TNKS: variants seen among roughly 807,000 people sequenced by gnomAD.
TNKS encodes the protein poly [ADP-ribose] polymerase tankyrase-1.
In TNKS, 72 loss-of-function variants were observed where a neutral mutation model predicts 135.8. The ratio of observed to expected loss-of-function variants is 0.53; its 90% CI spans 0.44 to 0.64. TNKS has a LOEUF of 0.64. Ranked by LOEUF, TNKS falls within the 30% of genes least tolerant of loss-of-function variation. TNKS has a pLI of 0.00. For synonymous variants in TNKS, 849 were observed against 649.3 expected, an observed-to-expected ratio of 1.31 and a Z score of -4.68; for missense variants, 1,769 against 1,674.0, an observed-to-expected ratio of 1.06 and a Z score of -0.99.
chr8:9,653,175 C>G (rs1412271290), intron 3 of TNKS, among the ~76,000 whole-genome samples: 2 of 152,150 alleles, frequency 1.3e-5, no homozygotes, highest in African/African-American at 2.4e-5. Context: ...AGGAAGGACA[C>G]AAAGCACATT....
intron 3 of TNKS, among the ~76,000 whole-genome samples, chr8:9,629,738 A>G (rs1323876401): frequency 6.6e-6 from 1 of 152,196 alleles, no homozygotes; most frequent in Non-Finnish European, 1.5e-5. Flanking sequence ...GCTGGAGTGC[A>G]GTGGTGTCAT....
intron 5 of TNKS, among the ~76,000 whole-genome samples, chr8:9,688,204 A>G (rs1803100263): frequency 6.6e-6 from 1 of 152,190 alleles, no homozygotes; most frequent in Non-Finnish European, 1.5e-5. Flanking sequence ...GTTTGAACAG[A>G]CTGTTCAGTT....
intron 1 of TNKS, among the ~76,000 whole-genome samples, chr8:9,575,689 A>G (rs1326342925): frequency 6.6e-6 from 1 of 152,188 alleles, no homozygotes; most frequent in Admixed American, 6.5e-5. Context: ...CTGCAGAATC[A>G]TAAGAAAAAG....
chr8:9,616,964 A>G (rs1439540163), intron 3 of TNKS, among the ~76,000 whole-genome samples: 1 of 152,228 alleles, frequency 6.6e-6, no homozygotes, highest in Non-Finnish European at 1.5e-5. Flanking sequence ...AAGGAGAAAT[A>G]CAGTGCATAG....
rs1041626003 is a variant in TNKS, at chr8:9,764,487, G to T, written c.3373-229G>T. 2.0e-5 allele frequency among the ~76,000 whole-genome samples: 3 copies of T among 152,072 alleles called. No homozygotes were observed. The South Asian group carries it at 6.2e-4, about 32-fold the overall frequency. ...GTGTTTTTTAATATGTTTCCCCATTGTGTTTACAGAAAACTCTTTCAGAAC... is the reference window on the plus strand; with the variant it reads ...GTGTTTTTTAATATGTTTCCCCATTTTGTTTACAGAAAACTCTTTCAGAAC... On this transcript the variant is annotated intron_variant, in intron 22 of 26. Coordinates refer to ENST00000310430, the MANE Select transcript of TNKS (RefSeq NM_003747.3).
At chr8:9,561,838 T>C (rs1207952945) in intron 1 of TNKS, among the ~76,000 whole-genome samples, 4 of 152,130 alleles carry the variant, frequency 2.6e-5, no homozygotes, top group Non-Finnish European at 4.4e-5. Flanking sequence ...ATGGTTGCTG[T>C]TTGATTTTGC....
chr8:9,725,135 T>G (rs1436496457), intron 12 of TNKS, among the ~76,000 whole-genome samples: 2 of 152,114 alleles, frequency 1.3e-5, no homozygotes, highest in African/African-American at 4.8e-5. Context: ...TGTGCACACT[T>G]ATAATGGAGA....
chr8:9,659,113 T>C (rs1286352363), intron 3 of TNKS, among the ~76,000 whole-genome samples: 1 of 152,136 alleles, frequency 6.6e-6, no homozygotes, highest in African/African-American at 2.4e-5. Context: ...CAAAGAGACA[T>C]AGACTCCCAC....
At chr8:9,759,391 G>T (rs1308571200) in intron 20 of TNKS, among the ~76,000 whole-genome samples, 1 of 152,202 alleles carries the variant, frequency 6.6e-6, no homozygotes, top group African/African-American at 2.4e-5. Context: ...CACGGGGAAG[G>T]GATTACAGTG....
intron 11 of TNKS, 108 bp downstream of exon 11, chr8:9,710,328 G>C: frequency 3.0e-6 from 3 of 994,874 alleles, no homozygotes; most frequent in Non-Finnish European, 4.7e-6. Context: ...TTTTATAAAG[G>C]ACTATTAGTT....
intron 3 of TNKS, among the ~76,000 whole-genome samples, chr8:9,638,044 C>T (rs1800578218): frequency 6.6e-6 from 1 of 152,182 alleles, no homozygotes. Flanking sequence ...TCATAGCTCA[C>T]TGCAGCCTCA....
chr8:9,751,931 G>GCCT lies in TNKS; in HGVS notation c.3070+87_3070+89dup, dbSNP rs1806563000. The GCCT allele has an allele frequency of 1.6e-5, 19 of 1,200,466 alleles. No homozygotes were observed. The South Asian group carries it at 2.6e-4, about 16-fold the overall frequency. The allele number at this position is 1,200,466 out of a possible 1,614,324, so 74.4% of individuals were successfully genotyped here. A position where few individuals can be genotyped will look rare whatever the true frequency, so the allele number is the denominator to read the frequency against. Reference sequence around the variant, plus strand: ...TTTTTTCTATTGATAACTATTGAATGCCTCAATTAGAGACGTCCTGTCTGT... The same window carrying GCCT: ...TTTTTTCTATTGATAACTATTGAATGCCTCCTCAATTAGAGACGTCCTGTCTGT... On this transcript the variant is annotated intron_variant, in intron 19 of 26. Coordinates refer to ENST00000310430, the MANE Select transcript of TNKS (RefSeq NM_003747.3).
intron 22 of TNKS, 146 bp downstream of exon 22, chr8:9,763,390 A>G (rs1054063083): frequency 2.4e-6 from 1 of 425,222 alleles, no homozygotes; most frequent in Admixed American, 4.3e-5. Flanking sequence ...AATATTGCCA[A>G]AATTAAAATA....
intron 2 of TNKS, among the ~76,000 whole-genome samples, chr8:9,589,035 A>T (rs1159451797): frequency 5.3e-5 from 8 of 152,178 alleles, no homozygotes; most frequent in Admixed American, 1.3e-4. Context: ...CTCGATTGGT[A>T]TGGGAATTTG....
chr8:9,713,284 T>C (rs1344986385), intron 11 of TNKS, among the ~76,000 whole-genome samples: 1 of 152,234 alleles, frequency 6.6e-6, no homozygotes, highest in Non-Finnish European at 1.5e-5. Context: ...AGGAGCTTTG[T>C]ACATTTATCT....
chr8:9,638,470 G>A (rs577409582), intron 3 of TNKS, among the ~76,000 whole-genome samples: 25 of 152,244 alleles, frequency 1.6e-4, no homozygotes, highest in African/African-American at 3.4e-4. Flanking sequence ...CCATGCAGCT[G>A]CATCCATATA....
At chr8:9,744,703 C>T (rs967767609) in intron 17 of TNKS, among the ~76,000 whole-genome samples, 1 of 152,142 alleles carries the variant, frequency 6.6e-6, no homozygotes. Context: ...TTGGATTTGT[C>T]AGCCTTAAAT....
intron 3 of TNKS, chr8:9,670,688 G>C (rs1004797937): frequency 6.6e-6 from 1 of 152,102 alleles, no homozygotes; most frequent in African/African-American, 2.4e-5. Context: ...CTTTTGTTAG[G>C]TGAGAACTCA....
At chr8:9,776,496 A>T (rs939649259) in intron 26 of TNKS, among the ~76,000 whole-genome samples, 154 bp from the exon 27 acceptor site, 4 of 152,238 alleles carry the variant, frequency 2.6e-5, no homozygotes, top group African/African-American at 4.8e-5. Flanking sequence ...ACAGTTAAGT[A>T]GGTGAACCTC....
Sources: gnomAD v4.1 joint callset for allele counts (sites outside exome capture counted in the v4.1 genomes callset) on GRCh38, gnomAD v4.1.1 for gene constraint, MANE v1.5 for transcripts, NCBI Gene and HGNC (gene_info 2026-07-23, HGNC 2026-07-21) for gene names.